Variants in PCSK5 observed in about 807,000 individuals in gnomAD.
PCSK5 encodes proprotein convertase subtilisin/kexin type 5, also known as prohormone convertase 5.
A neutral mutation model predicts 233.2 loss-of-function variants in PCSK5; 129 were observed. The observed-to-expected ratio is 0.55, with a 90% confidence interval of 0.48 to 0.64. The LOEUF is 0.64. Ranked by LOEUF, PCSK5 falls within the 30% of genes least tolerant of loss-of-function variation. The pLI is 0.00. For synonymous variants in PCSK5, 825 were observed against 879.2 expected (o/e 0.94, Z 1.09); for missense variants, 2,076 against 2,430.1 (o/e 0.85, Z 3.06).
intron 7 of PCSK5, among the ~76,000 whole-genome samples, chr9:76,086,732 T>A (rs1831078590): frequency 6.6e-6 from 1 of 152,190 alleles, no homozygotes; most frequent in Non-Finnish European, 1.5e-5. Context: ...CAGCACTGGA[T>A]GAGGCAAGAC....
intron 2 of PCSK5, among the ~76,000 whole-genome samples, chr9:75,977,505 T>C (rs1471219211): frequency 6.7e-6 from 1 of 149,544 alleles, no homozygotes; most frequent in African/African-American, 2.4e-5. Flanking sequence ...TCTTTCCTTC[T>C]GAGATTTTGT....
chr9:76,083,309 G>A (rs1408122861), intron 7 of PCSK5, among the ~76,000 whole-genome samples: 1 of 151,528 alleles, frequency 6.6e-6, no homozygotes, highest in Non-Finnish European at 1.5e-5. Context: ...GAGAAATCAT[G>A]CAGTTTTTTG....
intron 22 of PCSK5, among the ~76,000 whole-genome samples, 164 bp downstream of exon 22, chr9:76,233,760 A>T (rs538041955): frequency 5.3e-5 from 8 of 152,280 alleles, no homozygotes; most frequent in Non-Finnish European, 1.0e-4. Context: ...GCTTGCTGTC[A>T]GTACACAAAA....
At chr9:75,947,796 C>A (rs1277101395) in intron 2 of PCSK5, among the ~76,000 whole-genome samples, 1 of 152,138 alleles carries the variant, frequency 6.6e-6, no homozygotes, top group African/African-American at 2.4e-5. Flanking sequence ...AATGAGGTAG[C>A]ATGAGAGAGA....
chr9:76,077,272 A>G (rs190446290), intron 7 of PCSK5, among the ~76,000 whole-genome samples: 29 of 152,186 alleles, frequency 1.9e-4, no homozygotes, highest in Middle Eastern at 3.4e-3. Context: ...ACCTTACCCC[A>G]TGTCACCCCA....
At chr9:76,247,775 C>T (rs1361227357) in intron 24 of PCSK5, among the ~76,000 whole-genome samples, 1 of 147,454 alleles carries the variant, frequency 6.8e-6, no homozygotes, top group Non-Finnish European at 1.5e-5. Flanking sequence ...CTAGCTATAT[C>T]TTTTTATTTT....
chr9:76,284,990 T>C (rs1828018411), intron 24 of PCSK5, among the ~76,000 whole-genome samples: 1 of 152,188 alleles, frequency 6.6e-6, no homozygotes, highest in Non-Finnish European at 1.5e-5. Context: ...GAGCATAACG[T>C]GTATAAATGT....
chr9:75,959,717 C>A lies in PCSK5; in HGVS notation c.298-26415C>A, dbSNP rs569184441. On this transcript the variant is annotated intron_variant, in intron 2 of 37. Transcript: ENST00000674117. ...ATATTTGCCGGTGAAACTTAAGAATCCTTATGGGAACCAAGTCCCATTGGT... is the reference window on the plus strand; with the variant it reads ...ATATTTGCCGGTGAAACTTAAGAATACTTATGGGAACCAAGTCCCATTGGT... Among the ~76,000 whole-genome samples, 6 of 152,308 alleles carry A rather than the reference C, an allele frequency of 3.9e-5. No individual in the cohort carries two copies. The South Asian group carries it at 1.2e-3, about 32-fold the overall frequency.
At chr9:76,263,578 T>A (rs1269907940) in intron 24 of PCSK5, among the ~76,000 whole-genome samples, 3 of 146,482 alleles carry the variant, frequency 2.0e-5, no homozygotes, top group African/African-American at 7.7e-5. Context: ...AATTGAACAA[T>A]AGGAACACAT....
chr9:76,105,531 T>G (rs778632352), intron 8 of PCSK5, among the ~76,000 whole-genome samples: 2 of 152,234 alleles, frequency 1.3e-5, no homozygotes, highest in Non-Finnish European at 2.9e-5. Flanking sequence ...ATGTTATATG[T>G]TTTTTAACAC....
intron 1 of PCSK5, among the ~76,000 whole-genome samples, chr9:75,897,700 C>T (rs1587327191): frequency 6.6e-6 from 1 of 152,018 alleles, no homozygotes; most frequent in Non-Finnish European, 1.5e-5. Context: ...CACCATGTTA[C>T]CAGGCTTGTC....
At chr9:76,282,709 G>C (rs1337054339) in intron 24 of PCSK5, among the ~76,000 whole-genome samples, 1 of 152,118 alleles carries the variant, frequency 6.6e-6, no homozygotes, top group African/African-American at 2.4e-5. Flanking sequence ...GAGGTTTGGG[G>C]TATGAATGAT....
rs769428126 is a variant in PCSK5, at chr9:76,321,457, G to T, written c.3920G>T (p.Cys1307Phe). The T allele has an allele frequency of 1.9e-5, 31 of 1,610,414 alleles. No homozygotes were observed. In the Admixed American group the frequency reaches 2.3e-4, roughly 12 times the overall value. ...SYAEDGICER[C>F]SSPCRTCEGN... is the part of the protein sequence containing the mutation. ...GCAGAAGACGGCATATGTGAACGCT[G>T]TAGCTCTCCTTGCAGAACATGTGAA... The change falls in exon 31 of 38, where the codon TGT becomes TTT. Residue 1307 changes from cysteine (C) to phenylalanine (F), a missense_variant. Cys to Phe is a radical substitution (Grantham distance 205). Transcript: ENST00000674117.
At chr9:75,902,909 T>C (rs1219271725) in intron 1 of PCSK5, among the ~76,000 whole-genome samples, 3 of 152,232 alleles carry the variant, frequency 2.0e-5, no homozygotes, top group Non-Finnish European at 2.9e-5. Flanking sequence ...GAAGATCGTG[T>C]TGAACACTGA....
intron 24 of PCSK5, among the ~76,000 whole-genome samples, chr9:76,288,972 T>C (rs890805052): frequency 1.3e-5 from 2 of 152,096 alleles, no homozygotes; most frequent in African/African-American, 2.4e-5. Flanking sequence ...AGAATGTAAA[T>C]TGGCTGCTGA....
chr9:76,295,663 A>G (rs1368205830), intron 26 of PCSK5, among the ~76,000 whole-genome samples: 4 of 152,204 alleles, frequency 2.6e-5, no homozygotes, highest in Non-Finnish European at 5.9e-5. Context: ...AACAAGGCTG[A>G]ATTGGATGGA....
At chr9:76,291,142 G>A (rs1828263894) in intron 24 of PCSK5, among the ~76,000 whole-genome samples, 1 of 152,152 alleles carries the variant, frequency 6.6e-6, no homozygotes, top group Non-Finnish European at 1.5e-5. Context: ...TTAACATTTA[G>A]TGCAATGCAT....
chr9:76,317,153 G>A (rs1829057352), intron 30 of PCSK5, among the ~76,000 whole-genome samples: 1 of 152,124 alleles, frequency 6.6e-6, no homozygotes, highest in Admixed American at 6.6e-5. Flanking sequence ...TTGAGGTCAG[G>A]AGTTTGAGAC....
chr9:75,991,051 G>T, intron 3 of PCSK5, among the ~76,000 whole-genome samples: 1 of 152,162 alleles, frequency 6.6e-6, no homozygotes, highest in Non-Finnish European at 1.5e-5. Context: ...TTATCTTATC[G>T]CCAGTGTTCC....
Sources: gnomAD v4.1 joint callset for allele counts (sites outside exome capture counted in the v4.1 genomes callset) on GRCh38, gnomAD v4.1.1 for gene constraint, MANE v1.5 for transcripts, NCBI Gene and HGNC (gene_info 2026-07-23, HGNC 2026-07-21) for gene names.